Variants in ACSBG2 observed in about 807,000 individuals in gnomAD.
ACSBG2 encodes the protein long-chain-fatty-acid--CoA ligase ACSBG2.
ACSBG2 carries 62 observed loss-of-function variants against 74.7 expected under a neutral mutation model. That is an observed-to-expected ratio of 0.83 (90% CI 0.68 to 1.03). ACSBG2 has a LOEUF of 1.03. ACSBG2 is among the 50% of genes least tolerant of loss of function. The pLI is 0.00. For missense variants in ACSBG2, 730 were observed against 817.6 expected, an observed-to-expected ratio of 0.89 and a Z score of 1.31; for synonymous variants, 309 against 294.1, an observed-to-expected ratio of 1.05 and a Z score of -0.52.
intron 7 of ACSBG2, among the ~76,000 whole-genome samples, chr19:6,171,485 G>C (rs1419955119): frequency 6.6e-6 from 1 of 152,102 alleles, no homozygotes; most frequent in African/African-American, 2.4e-5. Context: ...AGTTTAGTGG[G>C]ATATAAAATT....
In ACSBG2 at chr19:6,183,054, CG is replaced by C; in HGVS notation, c.1105del (p.Val369Ter). 2.5e-6 allele frequency: 4 copies of C among 1,614,118 alleles called. No homozygotes were observed. Among genetic ancestry groups the C allele is most frequent in the Non-Finnish European group, 3.4e-6 (4 of 1,179,982 alleles). On this transcript the variant is annotated frameshift_variant, in exon 10 of 15. Coordinates refer to ENST00000588485, the MANE Select transcript of ACSBG2 (RefSeq NM_030924.5). LOFTEE classifies it high-confidence loss of function. Reference protein sequence around the residue: ...KKMLGKYNTPVSYRMAKTLVF... With the variant: ...KKMLGKYNTPXSYRMAKTLVF... Reference sequence around the variant, plus strand: ...TTATTCACAGGAAATATAATACTCCCGTGAGCTACCGCATGGCTAAGACTCT... The same window carrying C: ...TTATTCACAGGAAATATAATACTCCCTGAGCTACCGCATGGCTAAGACTCT...
At chr19:6,181,015 T>A (rs1409716341) in intron 8 of ACSBG2, among the ~76,000 whole-genome samples, 3 of 140,916 alleles carry the variant, frequency 2.1e-5, no homozygotes, top group African/African-American at 8.0e-5. Context: ...CTGGCCAACA[T>A]GGTGAAACTC....
At chr19:6,181,266 A>AGAAGGGAGGG (rs1446362548) in intron 8 of ACSBG2, among the ~76,000 whole-genome samples, 1 of 122,528 alleles carries the variant, frequency 8.2e-6, no homozygotes, top group Non-Finnish European at 1.7e-5. Context: ...GCAAGGGAAG[A>AGAAGGGAGGG]GAAGGGAGGG....
intron 5 of ACSBG2, among the ~76,000 whole-genome samples, chr19:6,158,699 G>T (rs2089509591): frequency 6.6e-6 from 1 of 152,098 alleles, no homozygotes; most frequent in Non-Finnish European, 1.5e-5. Flanking sequence ...CTGGAGTCGA[G>T]ATGTGTCTTT....
intron 13 of ACSBG2, 146 bp downstream of exon 13, chr19:6,187,991 C>T: frequency 5.0e-6 from 6 of 1,202,418 alleles, no homozygotes; most frequent in Non-Finnish European, 7.0e-6. Context: ...CTTCAGCTAA[C>T]TGGTCCCCAG....
intron 7 of ACSBG2, among the ~76,000 whole-genome samples, chr19:6,167,382 T>A (rs1244790635): frequency 6.6e-6 from 1 of 152,154 alleles, no homozygotes; most frequent in Non-Finnish European, 1.5e-5. Context: ...CCATGGAAGG[T>A]CAGCAATGGA....
intron 5 of ACSBG2, 78 bp downstream of exon 5, chr19:6,156,629 C>T: frequency 7.1e-7 from 1 of 1,405,576 alleles, no homozygotes; most frequent in South Asian, 1.7e-5. Flanking sequence ...CTTTTTTTCC[C>T]AGGTAAATTC....
chr19:6,183,361 G>A (rs2090316848), intron 10 of ACSBG2, 89 bp downstream of exon 10: 1 of 1,102,806 alleles, frequency 9.1e-7, no homozygotes, highest in South Asian at 1.4e-5. Flanking sequence ...TCTGGGTTAA[G>A]AGGAATCCTG....
chr19:6,177,144 C>A, intron 7 of ACSBG2, 85 bp from the exon 8 acceptor site: 1 of 1,453,242 alleles, frequency 6.9e-7, no homozygotes, highest in Non-Finnish European at 9.3e-7. Flanking sequence ...CTGGGTGAGC[C>A]CTGTCTGAAA....
intron 11 of ACSBG2, 83 bp downstream of exon 11, chr19:6,185,736 G>A: frequency 1.4e-6 from 2 of 1,429,232 alleles, no homozygotes; most frequent in East Asian, 4.6e-5. Flanking sequence ...CAGCACGAAG[G>A]CCACCCCCAG....
rs778234519 is a variant in ACSBG2 at position 6,147,499 on chromosome 19, T to A, written c.121T>A (p.Ser41Thr). Reference protein sequence around the residue: ...CRDGEVLLRLSKHGPGHETPM... With the variant: ...CRDGEVLLRLTKHGPGHETPM... ...AGATGGAGAAGTCCTTCTGAGGCTA[T>A]CCAAACACGGACCAGGCCATGAGAC... The change falls in exon 3 of 15, where the codon TCC (serine) becomes ACC (threonine). Residue 41 changes from serine (S) to threonine (T), a missense_variant. Coordinates refer to ENST00000588485, the MANE Select transcript of ACSBG2 (RefSeq NM_030924.5). The A allele has an allele frequency of 6.2e-7, 1 of 1,614,180 alleles. No individual in the cohort carries two copies. Among genetic ancestry groups the A allele is most frequent in the South Asian group, 1.1e-5 (1 of 91,078 alleles).
intron 3 of ACSBG2, among the ~76,000 whole-genome samples, chr19:6,147,929 T>A (rs1391238055): frequency 6.9e-6 from 1 of 145,160 alleles, no homozygotes; most frequent in Non-Finnish European, 1.6e-5. Flanking sequence ...TATATGCAAA[T>A]TTTTTACACA....
chr19:6,147,409 A>G, intron 2 of ACSBG2, 37 bp from the exon 3 acceptor site: 1 of 1,574,274 alleles, frequency 6.4e-7, no homozygotes, highest in Non-Finnish European at 8.7e-7. Flanking sequence ...TAAATAAATA[A>G]AAACATTTGC....
At chr19:6,149,869 C>A (rs1343596273) in intron 3 of ACSBG2, among the ~76,000 whole-genome samples, 1 of 141,938 alleles carries the variant, frequency 7.0e-6, no homozygotes, top group African/African-American at 2.9e-5. Context: ...AGCCACCACA[C>A]CTGGCCTCAA....
intron 3 of ACSBG2, among the ~76,000 whole-genome samples, chr19:6,151,306 G>A (rs1239416896): frequency 1.3e-5 from 2 of 151,962 alleles, no homozygotes; most frequent in Admixed American, 1.3e-4. Flanking sequence ...CACCCCGTGT[G>A]GCTACTTTTG....
rs1337162855 is a variant in ACSBG2 at position 6,180,669 on chromosome 19, A to G, written c.907-2082A>G. On this transcript the variant is annotated intron_variant, in intron 8 of 14. Coordinates refer to ENST00000588485, the MANE Select transcript of ACSBG2 (RefSeq NM_030924.5). This position sits in a 1 kb window ranked among gnomAD's most constrained non-coding sequence, Gnocchi z 4.3. ...CCAGATTGTTTTCTGAAGTACGTGC[A>G]CCAGAAATGTGCGAAGGTTACAGTT... Among the ~76,000 whole-genome samples, 2 of 152,206 alleles carry G rather than the reference A, an allele frequency of 1.3e-5. No individual in the cohort carries two copies. The highest frequency in any genetic ancestry group is 2.9e-5 in the Non-Finnish European group (2 of 68,042).
In ACSBG2 at chr19:6,147,472, C is replaced by T. The variant is rs142290585; in HGVS notation, c.94C>T (p.Arg32Ter). The T allele has an allele frequency of 2.9e-5, 47 of 1,614,168 alleles. No homozygotes were observed. The highest frequency in any genetic ancestry group is 2.1e-4 in the African/African-American group (16 of 75,046). Residue 32 changes from arginine (R) to a stop codon, truncating the protein, a stop_gained, in exon 3 of 15, where the codon CGA becomes TGA. Transcript: ENST00000588485. LOFTEE classifies it high-confidence loss of function. ...TACTCCCAGGCTGTGGACCACCTGT[C>T]GAGATGGAGAAGTCCTTCTGAGGCT... ...EVTPRLWTTCRDGEVLLRLSK... is the reference protein window; with the variant it reads ...EVTPRLWTTC
intron 6 of ACSBG2, among the ~76,000 whole-genome samples, chr19:6,164,296 T>C (rs2089726821): frequency 6.6e-6 from 1 of 152,194 alleles, no homozygotes; most frequent in Non-Finnish European, 1.5e-5. Flanking sequence ...AGAGGGCTTG[T>C]GTGTGCTCTT....
rs770985227 is a variant in ACSBG2, at chr19:6,156,434, T to A, written c.390T>A (p.Gly130=). The A allele has an allele frequency of 1.3e-6, 2 of 1,589,722 alleles. No homozygotes were observed. The highest frequency in any genetic ancestry group is 1.7e-6 in the Non-Finnish European group (2 of 1,170,440). The change falls in exon 5 of 15, where the codon GGT becomes GGA. Residue 130 remains glycine (G), a synonymous_variant. Coordinates refer to ENST00000588485, the MANE Select transcript of ACSBG2 (RefSeq NM_030924.5). The part of the protein sequence containing the change: ...ITAVGAILAG[G]LCVGIYATNS... The stretch of plus-strand genomic sequence containing the variant: ...CGAATTTGTTTTCTTTTCCCAGGGG[T>A]CTTTGTGTTGGTATTTATGCCACCA...
Sources: allele counts gnomAD v4.1 joint callset (sites outside exome capture counted in the v4.1 genomes callset), GRCh38; gene constraint gnomAD v4.1.1; non-coding constraint Gnocchi (gnomAD v3.1); transcripts MANE v1.5; gene names NCBI Gene and HGNC (gene_info 2026-07-23, HGNC 2026-07-21).